TBC1D22A: variants seen among roughly 807,000 people sequenced by gnomAD.
The protein encoded by TBC1D22A is TBC1 domain family member 22A.
TBC1D22A carries 38 observed loss-of-function variants against 60.2 expected under a neutral mutation model. That is an observed-to-expected ratio of 0.63 (90% CI 0.49 to 0.83). The LOEUF (loss-of-function observed/expected upper bound fraction) is 0.83. Among genes scored for constraint, TBC1D22A ranks in the 40% least tolerant of loss-of-function variants. The pLI is 0.00. For synonymous variants in TBC1D22A, 302 were observed against 281.7 expected (o/e 1.07, Z -0.72); for missense variants, 628 against 701.0 (o/e 0.90, Z 1.18).
intron 12 of TBC1D22A, among the ~76,000 whole-genome samples, chr22:47,134,929 T>A (rs1219444166): frequency 6.6e-6 from 1 of 152,180 alleles, no homozygotes. Context: ...CCCGGAGCCT[T>A]GGCTGATTCC....
rs2073142349 is a variant in TBC1D22A, at chr22:46,955,557, G to A, written c.1016-18733G>A. On this transcript the variant is annotated intron_variant, in intron 8 of 12. Transcript: ENST00000337137. The stretch of plus-strand genomic sequence containing the variant: ...TCTTTATGAGCCATTTCTTATGTTC[G>A]GGAAGATTAATAAATTAAAATTCTT... 2.0e-5 allele frequency among the ~76,000 whole-genome samples: 3 copies of A among 152,190 alleles called. No homozygotes were observed. In the South Asian group the frequency reaches 6.2e-4, roughly 32 times the overall value.
At chr22:46,822,309 A>G (rs1490380957) in intron 4 of TBC1D22A, among the ~76,000 whole-genome samples, 1 of 151,804 alleles carries the variant, frequency 6.6e-6, no homozygotes, top group East Asian at 1.9e-4. Context: ...CATTTGGAGG[A>G]GATGAGGCAC....
chr22:46,778,586 C>CG (rs1569018523), intron 1 of TBC1D22A, among the ~76,000 whole-genome samples: 1 of 152,092 alleles, frequency 6.6e-6, no homozygotes, highest in Non-Finnish European at 1.5e-5. Flanking sequence ...GGAAGGTCTT[C>CG]GGGGGCAATA....
chr22:46,935,449 C>T (rs531429252), intron 8 of TBC1D22A, among the ~76,000 whole-genome samples: 2 of 152,262 alleles, frequency 1.3e-5, no homozygotes, highest in South Asian at 2.1e-4. Flanking sequence ...CACTCCCCCG[C>T]AGCCCCTGTC....
intron 8 of TBC1D22A, among the ~76,000 whole-genome samples, chr22:46,972,370 C>T (rs1452011361): frequency 6.6e-6 from 1 of 152,228 alleles, no homozygotes; most frequent in Non-Finnish European, 1.5e-5. Flanking sequence ...TCTGTGTCCA[C>T]ATTACCCCTT....
At chr22:46,800,429 T>A (rs1048680364) in intron 4 of TBC1D22A, among the ~76,000 whole-genome samples, 2 of 152,158 alleles carry the variant, frequency 1.3e-5, no homozygotes, top group Middle Eastern at 3.4e-3. Flanking sequence ...CTTCCTCTTC[T>A]AGCATGCCAG....
intron 8 of TBC1D22A, among the ~76,000 whole-genome samples, chr22:46,942,563 G>A (rs1030796343): frequency 6.6e-6 from 1 of 152,142 alleles, no homozygotes; most frequent in Non-Finnish European, 1.5e-5. Flanking sequence ...AGAGCTTTTC[G>A]GATCCAGAAA....
At chr22:47,091,939 T>C (rs2064993250) in intron 11 of TBC1D22A, among the ~76,000 whole-genome samples, 1 of 152,220 alleles carries the variant, frequency 6.6e-6, no homozygotes, top group African/African-American at 2.4e-5. Flanking sequence ...CTCAGTGTCA[T>C]CTCTAATTCT....
chr22:47,133,634 G>C (rs1214873165), intron 12 of TBC1D22A, among the ~76,000 whole-genome samples: 1 of 152,166 alleles, frequency 6.6e-6, no homozygotes, highest in East Asian at 1.9e-4. Context: ...GAACTTGGCA[G>C]GTCCCTTCTG....
At chr22:46,790,138 G>A (rs1279621945) in intron 1 of TBC1D22A, among the ~76,000 whole-genome samples, 2 of 152,274 alleles carry the variant, frequency 1.3e-5, no homozygotes, top group South Asian at 2.1e-4. Context: ...CTAACACCAA[G>A]GTGTTGGCGG....
chr22:46,951,416 T>C (rs1293362048), intron 8 of TBC1D22A, among the ~76,000 whole-genome samples: 1 of 152,176 alleles, frequency 6.6e-6, no homozygotes, highest in African/African-American at 2.4e-5. Flanking sequence ...TCGCGATTCA[T>C]GTGTTATGCA....
Position 47,173,744 on chromosome 22 carries a change from C to A in TBC1D22A, c.*118C>A, listed in dbSNP as rs905843438. On this transcript the variant is annotated 3_prime_UTR_variant, in exon 13 of 13. Coordinates refer to ENST00000337137, the MANE Select transcript of TBC1D22A (RefSeq NM_014346.5). ...GCTAAAAGGCCTTGTGAGGTGGCCC[C>A]ACCCTCCAGGGGAGCTGGTGAAGAT... 4 of 1,489,366 alleles carry A rather than the reference C, an allele frequency of 2.7e-6. No individual in the cohort carries two copies. Among genetic ancestry groups the A allele is most frequent in the African/African-American group, 1.4e-5 (1 of 72,572 alleles). 92.3% of individuals were successfully genotyped at this position (1,489,366 alleles called of 1,614,324 possible).
intron 9 of TBC1D22A, among the ~76,000 whole-genome samples, chr22:46,996,499 C>T (rs748821291): frequency 2.0e-5 from 3 of 152,246 alleles, no homozygotes; most frequent in Admixed American, 6.5e-5. Context: ...ACCTTAGTTC[C>T]ACCTGCAACC....
intron 4 of TBC1D22A, among the ~76,000 whole-genome samples, chr22:46,813,353 T>C (rs2085462484): frequency 1.3e-5 from 2 of 152,246 alleles, no homozygotes; most frequent in Non-Finnish European, 2.9e-5. Context: ...TTTTTGATCC[T>C]TAGTATGCGG....
intron 9 of TBC1D22A, 42 bp downstream of exon 9, chr22:46,974,441 C>T (rs1317005243): frequency 3.3e-6 from 5 of 1,536,952 alleles, no homozygotes; most frequent in Non-Finnish European, 4.4e-6. Context: ...CGCCCACAGC[C>T]CCTGCGGTGA....
intron 10 of TBC1D22A, among the ~76,000 whole-genome samples, chr22:47,024,066 G>A (rs111746341): frequency 6.6e-6 from 1 of 152,324 alleles, no homozygotes; most frequent in African/African-American, 2.4e-5. Flanking sequence ...GAGCGTAGGC[G>A]TCGGCAGGGA....
Position 46,797,572 on chromosome 22 carries a change from C to T in TBC1D22A, c.589C>T (p.Arg197Trp), listed in dbSNP as rs1282803682. 9.3e-6 allele frequency: 15 copies of T among 1,612,902 alleles called. No individual in the cohort carries two copies. Among genetic ancestry groups the T allele is most frequent in the African/African-American group, 2.7e-5 (2 of 74,890 alleles). ...SSALSEREAS[R>W]LDKFKQLLAG... ...AGCGCTGAGCGAAAGAGAGGCCTCC[C>T]GGCTCGACAAGTTCAAGCAGCTGCT... The change falls in exon 4 of 13, where the codon CGG (arginine) becomes TGG (tryptophan). Residue 197 changes from arginine (R) to tryptophan (W), a missense_variant. Coordinates refer to ENST00000337137, the MANE Select transcript of TBC1D22A (RefSeq NM_014346.5).
chr22:47,166,556 G>A (rs1415071260), intron 12 of TBC1D22A, among the ~76,000 whole-genome samples: 1 of 152,220 alleles, frequency 6.6e-6, no homozygotes, highest in Non-Finnish European at 1.5e-5. Flanking sequence ...CGAAGTCTGC[G>A]GTAGCCTGCA....
At position 46,819,496 on chromosome 22, in the gene TBC1D22A, C is replaced by T. The variant is rs183936693; in HGVS notation, c.637+21876C>T. Among the ~76,000 whole-genome samples the T allele has an allele frequency of 8.9e-4, 135 of 152,128 alleles. 2 individuals are homozygous for T. Among genetic ancestry groups the T allele is most frequent in the Admixed American group, 8.6e-3 (132 of 15,268 alleles). On this transcript the variant is annotated intron_variant, in intron 4 of 12. Transcript: ENST00000337137. ...CCTTTTCTGTATCTGTTGAGATAAT[C>T]GTGGTTTTTTGTCATTGGTTCTGTT...
Sources: gnomAD v4.1 joint callset for allele counts (sites outside exome capture counted in the v4.1 genomes callset) on GRCh38, gnomAD v4.1.1 for gene constraint, MANE v1.5 for transcripts, NCBI Gene and HGNC (gene_info 2026-07-23, HGNC 2026-07-21) for gene names.